Variants in KNL1 observed in about 807,000 individuals in gnomAD.
The protein encoded by KNL1 is kinetochore scaffold 1.
KNL1 carries 66 observed loss-of-function variants against 201.3 expected under a neutral mutation model. That is an observed-to-expected ratio of 0.33 (90% confidence interval 0.27 to 0.40). KNL1 has a LOEUF of 0.40. Among genes scored for constraint, KNL1 ranks in the 10% least tolerant of loss-of-function variants. KNL1 has a pLI of 1.00. For missense variants in KNL1, 2,815 were observed against 2,690.5 expected (o/e 1.05, Z -1.02); for synonymous variants, 895 against 899.2 (o/e 1.00, Z 0.08).
intron 3 of KNL1, among the ~76,000 whole-genome samples, 169 bp downstream of exon 3, chr15:40,605,318 A>G (rs143982493): frequency 2.8e-4 from 42 of 152,338 alleles, no homozygotes; most frequent in African/African-American, 9.1e-4. Flanking sequence ...TAAATATACC[A>G]AAATTCATAC....
At chr15:40,609,074 A>T (rs1338284893) in intron 5 of KNL1, among the ~76,000 whole-genome samples, 166 bp downstream of exon 5, 3 of 152,106 alleles carry the variant, frequency 2.0e-5, no homozygotes, top group Non-Finnish European at 4.4e-5. Flanking sequence ...CATTCCCTCT[A>T]AAGTCAGGAA....
At chr15:40,654,653 A>G (rs1595948387) in intron 21 of KNL1, among the ~76,000 whole-genome samples, 1 of 151,612 alleles carries the variant, frequency 6.6e-6, no homozygotes, top group East Asian at 1.9e-4. Context: ...GCGGATCACG[A>G]GGTCAGGAGA....
Position 40,606,433 on chromosome 15 carries a change from G to T in KNL1, c.116G>T (p.Gly39Val), listed in dbSNP as rs767347405. 3.2e-6 allele frequency: 5 copies of T among 1,577,404 alleles called. No individual in the cohort carries two copies. The highest frequency in any genetic ancestry group is 4.4e-6 in the Non-Finnish European group (5 of 1,146,930). ...AGGAGTCCTCTTCAGGACCTCAGAG[G>T]TGGGAATGAAAGAGTTCAGGTAAGT... Reference protein sequence around the residue: ...PPRSPLQDLRGGNERVQESNA... With the variant: ...PPRSPLQDLRVGNERVQESNA... The change falls in exon 4 of 26, where the codon GGT becomes GTT. Residue 39 changes from glycine to valine, a missense_variant. Physicochemically the swap from Gly to Val is moderately radical, Grantham distance 109 (BLOSUM62 -3). Around this residue, in one of 3 missense-constraint regions of KNL1, gnomAD observed 2,464 missense variants for 2,291.7 expected, o/e 1.08. Coordinates refer to ENST00000399668, the MANE Select transcript of KNL1 (RefSeq NM_144508.5).
At chr15:40,595,550 T>TA (rs957421396) in intron 1 of KNL1, among the ~76,000 whole-genome samples, 1 of 152,230 alleles carries the variant, frequency 6.6e-6, no homozygotes, top group African/African-American at 2.4e-5. Context: ...TAAATTGAAT[T>TA]AAAATGTTTG....
intron 22 of KNL1, among the ~76,000 whole-genome samples, chr15:40,656,042 T>C (rs1297272986): frequency 6.6e-6 from 1 of 152,194 alleles, no homozygotes; most frequent in Non-Finnish European, 1.5e-5. Flanking sequence ...AAATTAACAC[T>C]ATGAAGTCCA....
intron 1 of KNL1, among the ~76,000 whole-genome samples, 175 bp downstream of exon 1, chr15:40,594,567 C>T (rs1371467948): frequency 6.6e-6 from 1 of 152,168 alleles, no homozygotes; most frequent in African/African-American, 2.4e-5. Context: ...GCCCTTTTTC[C>T]CCTCCTCGGC....
intron 19 of KNL1, among the ~76,000 whole-genome samples, chr15:40,651,243 A>G (rs959868781): frequency 6.6e-6 from 1 of 151,900 alleles, no homozygotes; most frequent in Non-Finnish European, 1.5e-5. Context: ...AATTTGAAAA[A>G]CAATGATTTA....
intron 11 of KNL1, 88 bp downstream of exon 11, chr15:40,628,296 G>T: frequency 7.5e-7 from 1 of 1,333,096 alleles, no homozygotes; most frequent in Non-Finnish European, 1.0e-6. Flanking sequence ...ATATTTGAAT[G>T]TTGTATATGC....
intron 25 of KNL1, among the ~76,000 whole-genome samples, 188 bp from the exon 26 acceptor site, chr15:40,661,886 C>CA (rs1292877214): frequency 4.6e-5 from 7 of 150,982 alleles, no homozygotes; most frequent in Non-Finnish European, 1.0e-4. Flanking sequence ...ACTAAAAATA[C>CA]AAAAATTAGC....
At chr15:40,604,749 A>T (rs1386836938) in intron 2 of KNL1, among the ~76,000 whole-genome samples, 1 of 152,220 alleles carries the variant, frequency 6.6e-6, no homozygotes, top group African/African-American at 2.4e-5. Flanking sequence ...CTAAAAAATT[A>T]TCTGTTTAGC....
At chr15:40,658,544 AAAG>A (rs146172522) in intron 24 of KNL1, among the ~76,000 whole-genome samples, 27,973 of 105,322 alleles carry the variant, frequency 0.27, 4,351 homozygotes, top group Non-Finnish European at 0.31. Flanking sequence ...AAAAAAAAAA[AAAG>A]AGAGAATCTG....
At chr15:40,602,052 C>T (rs569138046) in intron 1 of KNL1, among the ~76,000 whole-genome samples, 1 of 148,404 alleles carries the variant, frequency 6.7e-6, no homozygotes, top group Admixed American at 6.7e-5. Flanking sequence ...TTTTTTGAGA[C>T]GGAGTCTTGC....
Position 40,645,649 on chromosome 15 carries a change from C to T in KNL1, c.5890-7C>T, listed in dbSNP as rs935564620. 1.4e-5 allele frequency: 22 copies of T among 1,528,372 alleles called. No individual in the cohort carries two copies. Among genetic ancestry groups the T allele is most frequent in the African/African-American group, 2.7e-5 (2 of 72,958 alleles). The allele number at this position is 1,528,372 out of a possible 1,614,324, so 94.7% of individuals were successfully genotyped here. A position where few individuals can be genotyped will look rare whatever the true frequency, so the allele number is the denominator to read the frequency against. On this transcript the variant is annotated splice_polypyrimidine_tract_variant and splice_region_variant and intron_variant, in intron 15 of 25. Coordinates refer to ENST00000399668, the MANE Select transcript of KNL1 (RefSeq NM_144508.5). ...AGTACAGTGTTCTCTATAACTTTCC[C>T]TTCCAGCTGAAGGCCTTTGGAATTT...
At chr15:40,601,455 A>G (rs1891788847) in intron 1 of KNL1, among the ~76,000 whole-genome samples, 1 of 152,208 alleles carries the variant, frequency 6.6e-6, no homozygotes, top group Non-Finnish European at 1.5e-5. Context: ...TAAAGTCCCT[A>G]GCATCCTGAT....
intron 10 of KNL1, among the ~76,000 whole-genome samples, chr15:40,626,956 G>A (rs1436423638): frequency 1.3e-5 from 2 of 152,168 alleles, no homozygotes; most frequent in Non-Finnish European, 1.5e-5. Flanking sequence ...GCACAGTGGC[G>A]TGATCTCAGC....
At chr15:40,642,345 G>A (rs905657903) in intron 14 of KNL1, among the ~76,000 whole-genome samples, 2 of 151,644 alleles carry the variant, frequency 1.3e-5, no homozygotes, top group African/African-American at 2.4e-5. Flanking sequence ...CTTGCAGTGA[G>A]CTGAGATCGC....
intron 4 of KNL1, 104 bp downstream of exon 4, chr15:40,606,556 G>C: frequency 3.0e-6 from 2 of 667,230 alleles, no homozygotes; most frequent in Non-Finnish European, 5.4e-6. Flanking sequence ...AGCATCCCAT[G>C]AGTTTCCAAA....
intron 14 of KNL1, among the ~76,000 whole-genome samples, chr15:40,643,746 GT>G (rs1369815999): frequency 6.6e-6 from 1 of 152,246 alleles, no homozygotes; most frequent in Non-Finnish European, 1.5e-5. Context: ...ATTGGAACAA[GT>G]TGGTACGTTG....
At chr15:40,602,614 A>G (rs1566998622) in intron 1 of KNL1, among the ~76,000 whole-genome samples, 1 of 148,558 alleles carries the variant, frequency 6.7e-6, no homozygotes. Flanking sequence ...AGCCTCCCAA[A>G]TAGCTGGGGT....
Sources: gnomAD v4.1 joint callset for allele counts (sites outside exome capture counted in the v4.1 genomes callset) on GRCh38, gnomAD v4.1.1 for gene constraint, gnomAD v4.1.1 regional missense constraint, MANE v1.5 for transcripts, NCBI Gene and HGNC (gene_info 2026-07-23, HGNC 2026-07-21) for gene names.